DNAI4: variants seen among roughly 807,000 people sequenced by gnomAD.
The protein encoded by DNAI4 is dynein axonemal intermediate chain 4.
In DNAI4, 85 loss-of-function variants were observed where a neutral mutation model predicts 105.8. The observed-to-expected ratio is 0.80, with a 90% CI of 0.67 to 0.96. DNAI4 has a LOEUF of 0.96. Among genes scored for constraint, DNAI4 ranks in the 40% least tolerant of loss-of-function variants. The pLI is 0.00. For synonymous variants in DNAI4, 352 were observed against 331.5 expected, an observed-to-expected ratio of 1.06 and a Z score of -0.67; for missense variants, 1,014 against 1,005.6, an observed-to-expected ratio of 1.01 and a Z score of -0.11.
At chr1:66,914,987 A>G (rs1356181850) in intron 1 of DNAI4, among the ~76,000 whole-genome samples, 1 of 152,224 alleles carries the variant, frequency 6.6e-6, no homozygotes, top group African/African-American at 2.4e-5. Flanking sequence ...AAATGTCCTA[A>G]GAATTGCCAG....
intron 11 of DNAI4, among the ~76,000 whole-genome samples, chr1:66,835,193 C>CAGAT (rs57056257): frequency 0.073 from 9,936 of 135,984 alleles, 440 homozygotes; most frequent in East Asian, 0.2. Context: ...CCTCCTTAGA[C>CAGAT]AGATAGATAG....
chr1:66,921,953 A>T (rs1650518958), intron 1 of DNAI4, among the ~76,000 whole-genome samples: 1 of 149,674 alleles, frequency 6.7e-6, no homozygotes, highest in Admixed American at 6.7e-5. Context: ...CTGGAGTACA[A>T]TGGCAGTGAT....
intron 1 of DNAI4, among the ~76,000 whole-genome samples, chr1:66,918,697 C>G (rs1008600254): frequency 2.6e-5 from 4 of 152,114 alleles, no homozygotes; most frequent in African/African-American, 9.7e-5. Flanking sequence ...AGCTTTGGGA[C>G]CTAACCCATC....
intron 14 of DNAI4, among the ~76,000 whole-genome samples, chr1:66,827,607 T>A (rs921516166): frequency 6.6e-6 from 1 of 152,218 alleles, no homozygotes; most frequent in Non-Finnish European, 1.5e-5. Flanking sequence ...TTCCAAACTT[T>A]CAAGAAGAAA....
chr1:66,898,967 C>A (rs1158807649), intron 2 of DNAI4, among the ~76,000 whole-genome samples: 1 of 152,136 alleles, frequency 6.6e-6, no homozygotes, highest in Non-Finnish European at 1.5e-5. Flanking sequence ...GAATAATATT[C>A]TATTGTATGG....
intron 6 of DNAI4, among the ~76,000 whole-genome samples, chr1:66,863,114 A>C (rs1646662025): frequency 6.6e-6 from 1 of 152,234 alleles, no homozygotes; most frequent in South Asian, 2.1e-4. Context: ...CAAAAATATA[A>C]CAATGGTTTG....
At chr1:66,863,945 T>C (rs1459150120) in intron 6 of DNAI4, among the ~76,000 whole-genome samples, 3 of 152,246 alleles carry the variant, frequency 2.0e-5, no homozygotes, top group African/African-American at 4.8e-5. Flanking sequence ...TACTCAACTT[T>C]CTTTTTCTTT....
At chr1:66,894,369 A>G (rs1044137282) in intron 2 of DNAI4, among the ~76,000 whole-genome samples, 2 of 152,090 alleles carry the variant, frequency 1.3e-5, no homozygotes, top group Non-Finnish European at 2.9e-5. Flanking sequence ...CCTTTGCACA[A>G]TTTTTATTGA....
intron 7 of DNAI4, among the ~76,000 whole-genome samples, chr1:66,850,254 G>GA (rs1646369588): frequency 6.6e-6 from 1 of 151,786 alleles, no homozygotes; most frequent in African/African-American, 2.4e-5. Flanking sequence ...CTAGAGGCCA[G>GA]AAAAAAGTGG....
At chr1:66,828,597 T>C (rs1230304844) in intron 13 of DNAI4, 1 of 152,224 alleles carries the variant, frequency 6.6e-6, no homozygotes, top group Non-Finnish European at 1.5e-5. Flanking sequence ...CCGATAATTT[T>C]AGTAATAATA....
intron 1 of DNAI4, among the ~76,000 whole-genome samples, chr1:66,905,651 T>C (rs924368369): frequency 1.6e-4 from 25 of 152,098 alleles, no homozygotes; most frequent in Non-Finnish European, 2.8e-4. Context: ...CCTACAATGG[T>C]TGAGATTTGA....
intron 2 of DNAI4, among the ~76,000 whole-genome samples, chr1:66,900,318 C>G (rs1648703193): frequency 6.6e-6 from 1 of 152,126 alleles, no homozygotes; most frequent in South Asian, 2.1e-4. Flanking sequence ...TCAGGGTGGT[C>G]TCGAACTCCT....
chr1:66,911,836 G>A (rs1156764554), intron 1 of DNAI4, among the ~76,000 whole-genome samples: 3 of 152,224 alleles, frequency 2.0e-5, no homozygotes, highest in Non-Finnish European at 4.4e-5. Flanking sequence ...TCTGCTCATA[G>A]ATGCATATTT....
chr1:66,864,622 C>A (rs963464755), intron 6 of DNAI4, among the ~76,000 whole-genome samples: 2 of 152,074 alleles, frequency 1.3e-5, no homozygotes, highest in African/African-American at 4.8e-5. Flanking sequence ...GAGGCTGAGG[C>A]GGGCAGATCA....
chr1:66,923,881 A>G (rs1650819285), intron 1 of DNAI4, among the ~76,000 whole-genome samples: 1 of 152,228 alleles, frequency 6.6e-6, no homozygotes, highest in Non-Finnish European at 1.5e-5. Flanking sequence ...AAGTCCACAC[A>G]GCTGTGTGCT....
At chr1:66,817,319 T>A (rs1050495460) in intron 16 of DNAI4, among the ~76,000 whole-genome samples, 2 of 152,182 alleles carry the variant, frequency 1.3e-5, no homozygotes, top group African/African-American at 2.4e-5. Flanking sequence ...ATGCCTGTAA[T>A]CCCAGCACTT....
chr1:66,846,369 T>A (rs111623148), intron 8 of DNAI4, among the ~76,000 whole-genome samples: 4 of 152,312 alleles, frequency 2.6e-5, no homozygotes, highest in African/African-American at 9.6e-5. Context: ...TATAGATTAA[T>A]TTTGACTTGA....
intron 7 of DNAI4, among the ~76,000 whole-genome samples, chr1:66,861,035 T>C (rs565816005): frequency 6.6e-6 from 1 of 152,238 alleles, no homozygotes; most frequent in South Asian, 2.1e-4. Context: ...AGGCCACTTA[T>C]TGAAAGTTAA....
intron 16 of DNAI4, among the ~76,000 whole-genome samples, chr1:66,821,565 T>C (rs971805664): frequency 7.2e-5 from 11 of 152,202 alleles, no homozygotes; most frequent in African/African-American, 2.4e-4. Context: ...AAATCTGATA[T>C]GTGAGAATGC....
Sources: gnomAD v4.1 joint callset for allele counts (sites outside exome capture counted in the v4.1 genomes callset) on GRCh38, gnomAD v4.1.1 for gene constraint, MANE v1.5 for transcripts, NCBI Gene and HGNC (gene_info 2026-07-23, HGNC 2026-07-21) for gene names.